VIPR2: variants seen among roughly 807,000 people sequenced by gnomAD.
VIPR2 encodes vasoactive intestinal polypeptide receptor 2.
VIPR2 carries 48 observed loss-of-function variants against 58.0 expected under a neutral mutation model. That is an observed-to-expected ratio of 0.83 (90% CI 0.66 to 1.05). The LOEUF (loss-of-function observed/expected upper bound fraction) is 1.05, where lower values mean the gene tolerates loss of function less well. Ranked by LOEUF, VIPR2 falls within the 50% of genes least tolerant of loss-of-function variation. The pLI is 0.00. For missense variants in VIPR2, 534 were observed against 558.0 expected, an observed-to-expected ratio of 0.96 and a Z score of 0.43; for synonymous variants, 243 against 235.2, an observed-to-expected ratio of 1.03 and a Z score of -0.30.
Position 159,103,814 on chromosome 7 carries a change from C to T in VIPR2, c.300G>A (p.Glu100=), listed in dbSNP as rs1858452724. ...AGGCATCGACGAAATCTGGGAACGTCTCTGACCATCCGTCACTCGTACAGT... is the reference window on the plus strand; with the variant it reads ...AGGCATCGACGAAATCTGGGAACGTTTCTGACCATCCGTCACTCGTACAGT... ...SKNCTSDGWS[E]TFPDFVDACG... Residue 100 remains glutamate (E), a synonymous_variant, in exon 4 of 13, where the codon GAG becomes GAA. Transcript: ENST00000262178. 2.5e-6 allele frequency: 4 copies of T among 1,614,192 alleles called. No individual in the cohort carries two copies. The highest frequency in any genetic ancestry group is 3.4e-6 in the Non-Finnish European group (4 of 1,180,036).
chr7:159,059,426 T>TA (rs1303644485), intron 4 of VIPR2: 1 of 446,972 alleles, frequency 2.2e-6, no homozygotes, highest in Non-Finnish European at 4.6e-6. Context: ...CAAGAGGCCC[T>TA]AAGTCCGTAT....
intron 4 of VIPR2, among the ~76,000 whole-genome samples, chr7:159,074,945 A>G (rs1856565766): frequency 6.6e-6 from 1 of 152,260 alleles, no homozygotes. Context: ...GTGCCATGAG[A>G]CAGGTAACTT....
At chr7:159,117,189 G>T in intron 2 of VIPR2, 1 of 639,384 alleles carries the variant, frequency 1.6e-6, no homozygotes. Context: ...TCGGGCTTCT[G>T]GGTCACTGCC....
chr7:159,034,144 C>A (rs954238939), intron 10 of VIPR2, 69 bp downstream of exon 10: 1 of 1,521,650 alleles, frequency 6.6e-7, no homozygotes, highest in Admixed American at 1.7e-5. Flanking sequence ...GCCTTCCTGG[C>A]AGCGTGGGGG....
intron 4 of VIPR2, among the ~76,000 whole-genome samples, chr7:159,084,854 T>C (rs1020525683): frequency 6.6e-6 from 1 of 152,194 alleles, no homozygotes; most frequent in African/African-American, 2.4e-5. Flanking sequence ...TTCCTTTTGC[T>C]TCTCAAATGT....
intron 4 of VIPR2, among the ~76,000 whole-genome samples, chr7:159,076,350 A>C (rs1856636767): frequency 6.6e-6 from 1 of 152,242 alleles, no homozygotes. Flanking sequence ...ATCTTTTCAG[A>C]GACAGTGAAA....
rs1431261928 is a variant in VIPR2, at chr7:159,029,624, G to T, written c.*992C>A. 3 of 152,416 alleles carry T rather than the reference G, an allele frequency of 2.0e-5. No individual in the cohort carries two copies. In the East Asian group the frequency reaches 5.8e-4, roughly 29 times the overall value. The allele number at this position is 152,416 out of a possible 1,614,324, so 9.4% of individuals were successfully genotyped here. A position where few individuals can be genotyped will look rare whatever the true frequency, so the allele number is the denominator to read the frequency against. ...CAGGCCTGGCCGCAGCTGGCCTGGGGCTGAGCGTCAGGCTCTGCGGCTCCC... is the reference window on the plus strand; with the variant it reads ...CAGGCCTGGCCGCAGCTGGCCTGGGTCTGAGCGTCAGGCTCTGCGGCTCCC... On this transcript the variant is annotated 3_prime_UTR_variant, in exon 13 of 13. Coordinates refer to ENST00000262178, the MANE Select transcript of VIPR2 (RefSeq NM_003382.5).
chr7:159,030,796 GGTGAGGGCAGCGGGAACGCCC>G lies in VIPR2; in HGVS notation c.1144-28_1144-8del. 6.4e-7 allele frequency: 1 copy of G among 1,566,242 alleles called. No homozygotes were observed. Among genetic ancestry groups the G allele is most frequent in the South Asian group, 1.2e-5 (1 of 85,792 alleles). On this transcript the variant is annotated splice_region_variant and splice_polypyrimidine_tract_variant and intron_variant, in intron 12 of 12. Coordinates refer to ENST00000262178, the MANE Select transcript of VIPR2 (RefSeq NM_003382.5). ...GCTTCAGCTCGCACTGCACCTGGGA[GGTGAGGGCAGCGGGAACGCCC>G]GTGAGCCTGGGCAGGTGCGGGCGGC...
chr7:159,060,812 C>T (rs914667290), intron 4 of VIPR2, among the ~76,000 whole-genome samples: 1 of 152,222 alleles, frequency 6.6e-6, no homozygotes, highest in African/African-American at 2.4e-5. Context: ...ACGTAACCAC[C>T]ACCTTCACTT....
At chr7:159,082,980 G>A (rs879633976) in intron 4 of VIPR2, among the ~76,000 whole-genome samples, 17 of 152,118 alleles carry the variant, frequency 1.1e-4, no homozygotes, top group South Asian at 2.1e-4. Flanking sequence ...AATTACACAC[G>A]GTGTTATATT....
intron 5 of VIPR2, among the ~76,000 whole-genome samples, chr7:159,045,523 A>G (rs1010475968): frequency 2.0e-5 from 3 of 152,260 alleles, no homozygotes; most frequent in African/African-American, 4.8e-5. Context: ...CTAGATGTCC[A>G]TATGTAAAAT....
chr7:159,101,862 C>T (rs1432426825), intron 4 of VIPR2, among the ~76,000 whole-genome samples: 6 of 101,304 alleles, frequency 5.9e-5, no homozygotes, highest in African/African-American at 1.4e-4. Context: ...TCCGACGAGG[C>T]GGTTCCCACT....
chr7:159,053,892 T>C (rs537780546), intron 5 of VIPR2, among the ~76,000 whole-genome samples: 6 of 152,366 alleles, frequency 3.9e-5, no homozygotes, highest in African/African-American at 1.4e-4. Flanking sequence ...TAAGAGTTGA[T>C]TTTTAAAATT....
intron 3 of VIPR2, among the ~76,000 whole-genome samples, chr7:159,108,404 C>A (rs1179932914): frequency 6.6e-6 from 1 of 152,238 alleles, no homozygotes; most frequent in Non-Finnish European, 1.5e-5. Flanking sequence ...GTTGAAAAAG[C>A]AGAAGCATAT....
intron 2 of VIPR2, among the ~76,000 whole-genome samples, chr7:159,118,551 T>C (rs1336926609): frequency 6.6e-6 from 1 of 152,090 alleles, no homozygotes; most frequent in Non-Finnish European, 1.5e-5. Context: ...TTACGGTGAA[T>C]GAGACGGAGG....
intron 2 of VIPR2, among the ~76,000 whole-genome samples, chr7:159,124,453 A>G (rs1413782901): frequency 1.3e-5 from 2 of 152,104 alleles, no homozygotes; most frequent in Non-Finnish European, 2.9e-5. Flanking sequence ...ATCAGATGAT[A>G]ATAGGTGTGC....
Position 159,035,995 on chromosome 7 carries a change from T to C in VIPR2, c.766A>G (p.Ile256Val), listed in dbSNP as rs779479481. Reference protein sequence around the residue: ...LIGWGLPTVCIGAWTAARLYL... With the variant: ...LIGWGLPTVCVGAWTAARLYL... ...AGCCTGGCCGCAGTCCATGCACCGA[T>C]GCAGACGGTGGGGAGGCCTGCAGAG... Residue 256 changes from isoleucine to valine, a missense_variant, in exon 8 of 13, where the codon ATC becomes GTC. Around this residue, in one of 3 missense-constraint regions of VIPR2, gnomAD observed 306 missense variants for 285.8 expected, o/e 1.07. Coordinates refer to ENST00000262178, the MANE Select transcript of VIPR2 (RefSeq NM_003382.5). 3.7e-6 allele frequency: 6 copies of C among 1,613,486 alleles called. No homozygotes were observed. The highest frequency in any genetic ancestry group is 5.1e-6 in the Non-Finnish European group (6 of 1,179,836).
chr7:159,101,186 T>C (rs1488912139), intron 4 of VIPR2, among the ~76,000 whole-genome samples: 2 of 147,074 alleles, frequency 1.4e-5, no homozygotes, highest in Non-Finnish European at 3.0e-5. Context: ...GTTCCTGTGA[T>C]AGTGAACGGG....
chr7:159,119,178 G>A lies in VIPR2; in HGVS notation c.152-9259C>T, dbSNP rs553446323. Among the ~76,000 whole-genome samples, 116 of 152,312 alleles carry A rather than the reference G, an allele frequency of 7.6e-4. 1 individual carries two copies. The South Asian group carries it at 0.022, about 28-fold the overall frequency. The stretch of plus-strand genomic sequence containing the variant: ...GCCCTGGCGATTCTGACAATGGGCC[G>A]CAGCTCCCCGGGTGGACACAGGAGA... On this transcript the variant is annotated intron_variant, in intron 2 of 12. Transcript: ENST00000262178.
Sources: gnomAD v4.1 joint callset for allele counts (sites outside exome capture counted in the v4.1 genomes callset) on GRCh38, gnomAD v4.1.1 for gene constraint, gnomAD v4.1.1 regional missense constraint, MANE v1.5 for transcripts, NCBI Gene and HGNC (gene_info 2026-07-23, HGNC 2026-07-21) for gene names.